The following EPHB1 variants were observed in gnomAD, a reference collection of about 807,000 sequenced individuals.
EPHB1 encodes the protein EPH receptor B1.
EPHB1 carries 30 observed loss-of-function variants against 94.4 expected under a neutral mutation model. The ratio of observed to expected loss-of-function variants is 0.32; its 90% CI spans 0.24 to 0.43. The LOEUF is 0.43. Ranked by LOEUF, EPHB1 falls within the 20% of genes least tolerant of loss-of-function variation. The probability of loss-of-function intolerance (pLI) is 1.00; values close to 1 mark genes in which losing one functional copy is unlikely to be tolerated. For synonymous variants in EPHB1, 522 were observed against 489.1 expected (o/e 1.07, Z -0.89); for missense variants, 1,055 against 1,308.3 (o/e 0.81, Z 2.99).
intron 2 of EPHB1, among the ~76,000 whole-genome samples, chr3:134,945,361 A>G (rs2039198452): frequency 6.6e-6 from 1 of 152,098 alleles, no homozygotes; most frequent in Non-Finnish European, 1.5e-5. Flanking sequence ...TTGTAGTTTC[A>G]TTTTTAATGT....
intron 3 of EPHB1, among the ~76,000 whole-genome samples, chr3:134,954,543 T>G (rs1438281419): frequency 6.6e-6 from 1 of 152,132 alleles, no homozygotes; most frequent in African/African-American, 2.4e-5. Context: ...ACAGTGAGCC[T>G]TCAACAACGA....
chr3:135,145,711 C>A (rs1940988568), intron 5 of EPHB1, among the ~76,000 whole-genome samples: 1 of 152,192 alleles, frequency 6.6e-6, no homozygotes, highest in African/African-American at 2.4e-5. Flanking sequence ...TTCATTTACA[C>A]CACAGAGAAG....
At chr3:135,236,972 C>T (rs1419468632) in intron 12 of EPHB1, among the ~76,000 whole-genome samples, 1 of 152,170 alleles carries the variant, frequency 6.6e-6, no homozygotes, top group Non-Finnish European at 1.5e-5. Flanking sequence ...ACTTCTGTAA[C>T]CTCACCGTGG....
intron 3 of EPHB1, among the ~76,000 whole-genome samples, chr3:134,965,940 C>T (rs1933727082): frequency 6.6e-6 from 1 of 152,206 alleles, no homozygotes; most frequent in South Asian, 2.1e-4. Flanking sequence ...TCTGCTTCCC[C>T]AGTGGCCAGG....
At position 134,809,309 on chromosome 3, in the gene EPHB1, C is replaced by T. The variant is rs527843286; in HGVS notation, c.58+13620C>T. 5.3e-5 allele frequency among the ~76,000 whole-genome samples: 8 copies of T among 152,258 alleles called. No individual in the cohort carries two copies. The South Asian group carries it at 1.7e-3, about 32-fold the overall frequency. ...TCAGAAGAAGGCTCCATTTGCCCTT[C>T]CAACTTCCCTGCTCTTGGCTCCAAC... On this transcript the variant is annotated intron_variant, in intron 1 of 15. Coordinates refer to ENST00000398015, the MANE Select transcript of EPHB1 (RefSeq NM_004441.5).
chr3:135,099,380 G>A (rs1938946269), intron 3 of EPHB1, among the ~76,000 whole-genome samples: 1 of 152,098 alleles, frequency 6.6e-6, no homozygotes, highest in African/African-American at 2.4e-5. Flanking sequence ...CAGATGGATG[G>A]GTGCTTGGGA....
intron 10 of EPHB1, among the ~76,000 whole-genome samples, chr3:135,186,552 T>C (rs115416624): frequency 1.2e-3 from 188 of 152,342 alleles, no homozygotes; most frequent in Non-Finnish European, 1.9e-3. Flanking sequence ...CTTTCCTTTT[T>C]TTCCCCCCAA....
At chr3:134,850,275 T>C (rs1352890610) in intron 1 of EPHB1, among the ~76,000 whole-genome samples, 1 of 152,246 alleles carries the variant, frequency 6.6e-6, no homozygotes. Flanking sequence ...TTAAAGCTCC[T>C]TCCCCACCAG....
chr3:135,155,682 C>A (rs974473243), intron 6 of EPHB1, among the ~76,000 whole-genome samples: 1 of 138,124 alleles, frequency 7.2e-6, no homozygotes, highest in Non-Finnish European at 1.5e-5. Flanking sequence ...GCAGGCTACT[C>A]GGGAGGCTGA....
At chr3:134,930,336 A>G (rs1261847307) in intron 2 of EPHB1, among the ~76,000 whole-genome samples, 2 of 152,258 alleles carry the variant, frequency 1.3e-5, no homozygotes, top group African/African-American at 4.8e-5. Context: ...CTGCTTTATA[A>G]TCTATTGCAG....
intron 3 of EPHB1, among the ~76,000 whole-genome samples, chr3:135,075,842 G>A (rs2107784290): frequency 6.6e-6 from 1 of 152,348 alleles, no homozygotes; most frequent in East Asian, 1.9e-4. Context: ...GGGCTTGCCT[G>A]ATGGAGAGTC....
At chr3:135,156,858 A>G (rs1941371106) in intron 6 of EPHB1, among the ~76,000 whole-genome samples, 1 of 152,220 alleles carries the variant, frequency 6.6e-6, no homozygotes, top group Non-Finnish European at 1.5e-5. Context: ...ATGTGTTTAG[A>G]CTAACTGACC....
At chr3:135,247,096 T>TAAC (rs1943945012) in intron 13 of EPHB1, among the ~76,000 whole-genome samples, 1 of 152,318 alleles carries the variant, frequency 6.6e-6, no homozygotes, top group African/African-American at 2.4e-5. Context: ...TAAAATGCTT[T>TAAC]AACTGTTTAT....
chr3:134,797,942 G>A (rs1461004404), intron 1 of EPHB1, among the ~76,000 whole-genome samples: 1 of 152,140 alleles, frequency 6.6e-6, no homozygotes, highest in African/African-American at 2.4e-5. Flanking sequence ...ATGAACACAG[G>A]CAGGCTCATT....
At chr3:135,157,661 G>A (rs1163809224) in intron 6 of EPHB1, among the ~76,000 whole-genome samples, 1 of 152,198 alleles carries the variant, frequency 6.6e-6, no homozygotes, top group African/African-American at 2.4e-5. Context: ...TTTGGTATAC[G>A]ACTGTGGAAT....
rs1932966116 is a variant in EPHB1, at chr3:135,249,333, C to T, written c.2691-3C>T. 3 of 1,609,134 alleles carry T rather than the reference C, an allele frequency of 1.9e-6. No homozygotes were observed. Among genetic ancestry groups the T allele is most frequent in the East Asian group, 4.5e-5 (2 of 44,874 alleles). On this transcript the variant is annotated splice_polypyrimidine_tract_variant and splice_region_variant and intron_variant, in intron 14 of 15. Transcript: ENST00000398015. Reference sequence around the variant, plus strand: ...GGTCACCTGCCCATCTCTGTCTCACCAGGCCTTCCCAGCCCCTGCTCGACC... The same window carrying T: ...GGTCACCTGCCCATCTCTGTCTCACTAGGCCTTCCCAGCCCCTGCTCGACC...
In EPHB1 at chr3:134,958,276, C is replaced by T. The variant is rs143060375; in HGVS notation, c.805+6224C>T. 3.8e-3 allele frequency among the ~76,000 whole-genome samples: 579 copies of T among 152,196 alleles called. 3 individuals carry two copies. The highest frequency in any genetic ancestry group is 0.013 in the African/African-American group (555 of 41,520). On this transcript the variant is annotated intron_variant, in intron 3 of 15. Transcript: ENST00000398015. ...GCAGGATTTGAAAGTGGAAAAAATA[C>T]ATCTAATTTAGCTCTTCTTGGAAAA...
intron 3 of EPHB1, among the ~76,000 whole-genome samples, chr3:135,100,138 T>C (rs1938980467): frequency 6.6e-6 from 1 of 152,180 alleles, no homozygotes; most frequent in African/African-American, 2.4e-5. Context: ...AAGGTGGCAG[T>C]GGAGGGAAGA....
At chr3:135,254,059 A>AT (rs1222781287) in intron 15 of EPHB1, among the ~76,000 whole-genome samples, 2 of 105,892 alleles carry the variant, frequency 1.9e-5, no homozygotes, top group Non-Finnish European at 3.9e-5. Context: ...TTGTACATTG[A>AT]TTTTGTATCC....
Sources: allele counts gnomAD v4.1 joint callset (sites outside exome capture counted in the v4.1 genomes callset), GRCh38; gene constraint gnomAD v4.1.1; transcripts MANE v1.5; gene names NCBI Gene and HGNC (gene_info 2026-07-23, HGNC 2026-07-21).